The following KCNQ5 variants were observed in gnomAD, a reference collection of about 807,000 sequenced individuals.
KCNQ5 encodes potassium voltage-gated channel subfamily Q member 5, also known as potassium voltage-gated channel subfamily KQT member 5.
In KCNQ5, 30 loss-of-function variants were observed where a neutral mutation model predicts 98.2. The ratio of observed to expected loss-of-function variants is 0.31; its 90% confidence interval spans 0.23 to 0.41. KCNQ5 has a LOEUF of 0.41. Among genes scored for constraint, KCNQ5 ranks in the 10% least tolerant of loss-of-function variants. The probability of loss-of-function intolerance (pLI) is 1.00; values close to 1 mark genes in which losing one functional copy is unlikely to be tolerated. For missense variants in KCNQ5, 835 were observed against 1,182.5 expected, an observed-to-expected ratio of 0.71 and a Z score of 4.31; for synonymous variants, 458 against 449.4, an observed-to-expected ratio of 1.02 and a Z score of -0.24.
intron 1 of KCNQ5, among the ~76,000 whole-genome samples, chr6:72,790,030 A>C (rs1468794914): frequency 6.6e-6 from 1 of 152,210 alleles, no homozygotes; most frequent in Non-Finnish European, 1.5e-5. Context: ...ATAGAATTAG[A>C]ACTAGACGCC....
At chr6:72,975,475 G>T (rs761257294) in intron 1 of KCNQ5, among the ~76,000 whole-genome samples, 3 of 152,052 alleles carry the variant, frequency 2.0e-5, no homozygotes, top group Non-Finnish European at 4.4e-5. Context: ...CTGGCTTTCA[G>T]CTTTCTTTTA....
intron 1 of KCNQ5, among the ~76,000 whole-genome samples, chr6:72,844,713 A>T (rs1776946513): frequency 6.6e-6 from 1 of 152,210 alleles, no homozygotes; most frequent in Admixed American, 6.5e-5. Context: ...TAAAAAGTAA[A>T]ACAAATTGTA....
chr6:72,952,986 A>G (rs1368747372), intron 1 of KCNQ5, among the ~76,000 whole-genome samples: 1 of 152,188 alleles, frequency 6.6e-6, no homozygotes, highest in Non-Finnish European at 1.5e-5. Flanking sequence ...GGATCCAGTA[A>G]TGTGCTCTTG....
chr6:72,785,802 G>T (rs540793185), intron 1 of KCNQ5, among the ~76,000 whole-genome samples: 2 of 152,060 alleles, frequency 1.3e-5, no homozygotes, highest in Non-Finnish European at 2.9e-5. Flanking sequence ...AATCATCACC[G>T]CTTGCTTGGA....
intron 1 of KCNQ5, among the ~76,000 whole-genome samples, chr6:72,996,456 T>TA (rs1006193412): frequency 1.3e-5 from 2 of 152,216 alleles, no homozygotes; most frequent in African/African-American, 4.8e-5. Context: ...GAGAAATTCT[T>TA]AAAATACGGT....
In KCNQ5 at chr6:72,828,237, G is replaced by T. The variant is rs550591076; in HGVS notation, c.399-175671G>T. On this transcript the variant is annotated intron_variant, in intron 1 of 13. Transcript: ENST00000370398. ...AGTCCTTTGTGGCTCTATTCAAATTGTAAGTGTTTTTTTCTATTTCTGTGA... is the reference window on the plus strand; with the variant it reads ...AGTCCTTTGTGGCTCTATTCAAATTTTAAGTGTTTTTTTCTATTTCTGTGA... Among the ~76,000 whole-genome samples the T allele has an allele frequency of 4.6e-5, 7 of 151,834 alleles. No individual in the cohort carries two copies. In the South Asian group the frequency reaches 1.0e-3, roughly 23 times the overall value.
rs752921476 is a variant in KCNQ5, at chr6:72,736,502, C to CTT, written c.398+113929_398+113930dup. Among the ~76,000 whole-genome samples, 93 of 121,014 alleles carry CTT rather than the reference C, an allele frequency of 7.7e-4. 4 individuals carry two copies. Among genetic ancestry groups the CTT allele is most frequent in the African/African-American group, 2.1e-3 (56 of 27,166 alleles). The allele number at this position is 121,014 out of a possible 152,430, so 79.4% of individuals were successfully genotyped here. On this transcript the variant is annotated intron_variant, in intron 1 of 13. Transcript: ENST00000370398. Reference sequence around the variant, plus strand: ...TATGCTTACATGTAAAAAAAGATTTCTTTTTTTTTTTTTTTGAGACGGAGT... The same window carrying CTT: ...TATGCTTACATGTAAAAAAAGATTTCTTTTTTTTTTTTTTTTTGAGACGGAGT...
At chr6:73,137,560 G>A (rs1192085851) in intron 10 of KCNQ5, among the ~76,000 whole-genome samples, 1 of 152,112 alleles carries the variant, frequency 6.6e-6, no homozygotes, top group East Asian at 1.9e-4. Flanking sequence ...TTTTTGTCAA[G>A]TATATGAGTA....
intron 3 of KCNQ5, among the ~76,000 whole-genome samples, chr6:73,063,670 TA>T (rs1479901071): frequency 2.8e-4 from 22 of 79,696 alleles, no homozygotes; most frequent in African/African-American, 8.3e-4. Context: ...AGATAGATGA[TA>T]GATAGATAGA....
At chr6:72,755,937 C>A (rs577196140) in intron 1 of KCNQ5, among the ~76,000 whole-genome samples, 1 of 152,250 alleles carries the variant, frequency 6.6e-6, no homozygotes, top group Non-Finnish European at 1.5e-5. Context: ...TCACCTCCTG[C>A]ATGCCTCTGC....
intron 1 of KCNQ5, among the ~76,000 whole-genome samples, chr6:72,830,169 TAC>T (rs1188220355): frequency 6.6e-6 from 1 of 152,148 alleles, no homozygotes; most frequent in African/African-American, 2.4e-5. Context: ...CAAGGTAATT[TAC>T]AGATTCAATG....
At chr6:73,133,020 A>G (rs1469105528) in intron 9 of KCNQ5, among the ~76,000 whole-genome samples, 1 of 152,244 alleles carries the variant, frequency 6.6e-6, no homozygotes, top group Non-Finnish European at 1.5e-5. Flanking sequence ...AATGTCTAGA[A>G]ATTACAAAGA....
At chr6:73,096,480 A>G (rs1025020255) in intron 5 of KCNQ5, among the ~76,000 whole-genome samples, 18 of 152,020 alleles carry the variant, frequency 1.2e-4, no homozygotes, top group African/African-American at 4.1e-4. Context: ...GCCATGGAGG[A>G]GCTGGGACTT....
chr6:72,846,586 G>A (rs1777032122), intron 1 of KCNQ5, among the ~76,000 whole-genome samples: 1 of 152,044 alleles, frequency 6.6e-6, no homozygotes, highest in South Asian at 2.1e-4. Flanking sequence ...GGCTGAGGCA[G>A]AAGGGTCACT....
chr6:72,802,414 A>T (rs1363322376), intron 1 of KCNQ5, among the ~76,000 whole-genome samples: 3 of 152,066 alleles, frequency 2.0e-5, no homozygotes. Flanking sequence ...TTTATGCAGC[A>T]AAACAATGGG....
At chr6:72,680,280 A>G (rs139899734) in intron 1 of KCNQ5, among the ~76,000 whole-genome samples, 1 of 152,294 alleles carries the variant, frequency 6.6e-6, no homozygotes, top group African/African-American at 2.4e-5. Flanking sequence ...AAATGGAATC[A>G]TGTAATATGT....
At chr6:72,772,006 T>C (rs944112785) in intron 1 of KCNQ5, among the ~76,000 whole-genome samples, 2 of 152,162 alleles carry the variant, frequency 1.3e-5, no homozygotes, top group Non-Finnish European at 2.9e-5. Flanking sequence ...TCTAACATGA[T>C]TCATAACCCT....
At chr6:73,166,830 C>T (rs1030440694) in intron 10 of KCNQ5, among the ~76,000 whole-genome samples, 2 of 152,194 alleles carry the variant, frequency 1.3e-5, no homozygotes, top group Non-Finnish European at 2.9e-5. Flanking sequence ...TTACTCCAGT[C>T]TCTGCTTCCA....
intron 5 of KCNQ5, among the ~76,000 whole-genome samples, chr6:73,078,869 A>C (rs1024284364): frequency 1.3e-5 from 2 of 152,236 alleles, no homozygotes; most frequent in African/African-American, 4.8e-5. Context: ...TTTTCCCTGC[A>C]TTGTAAAGAA....
Sources: allele counts gnomAD v4.1 joint callset (sites outside exome capture counted in the v4.1 genomes callset), GRCh38; gene constraint gnomAD v4.1.1; transcripts MANE v1.5; gene names NCBI Gene and HGNC (gene_info 2026-07-23, HGNC 2026-07-21).